The following KCNIP1 variants were observed in gnomAD, a reference collection of about 807,000 sequenced individuals.
The protein encoded by KCNIP1 is A-type potassium channel modulatory protein KCNIP1.
In KCNIP1, 18 loss-of-function variants were observed where a neutral mutation model predicts 33.0. That is an observed-to-expected ratio of 0.55 (90% CI 0.38 to 0.81). The LOEUF (loss-of-function observed/expected upper bound fraction) is 0.81. KCNIP1 is among the 30% of genes least tolerant of loss of function. The probability of loss-of-function intolerance (pLI) is 0.00; values close to 1 mark genes in which losing one functional copy is unlikely to be tolerated. For missense variants in KCNIP1, 238 were observed against 271.6 expected (o/e 0.88, Z 0.87); for synonymous variants, 93 against 98.3 (o/e 0.95, Z 0.32).
intron 1 of KCNIP1, among the ~76,000 whole-genome samples, chr5:170,495,792 C>T (rs545438534): frequency 2.3e-4 from 35 of 152,330 alleles, no homozygotes; most frequent in African/African-American, 7.0e-4. Context: ...GAAGGAGCCC[C>T]GGTTAATATC....
chr5:170,590,231 G>T (rs1758197284), intron 1 of KCNIP1, among the ~76,000 whole-genome samples: 3 of 152,098 alleles, frequency 2.0e-5, no homozygotes, highest in South Asian at 2.1e-4. Flanking sequence ...AGAGACAGGG[G>T]TCATTCCAGA....
chr5:170,614,571 AT>A (rs968232539), intron 1 of KCNIP1, among the ~76,000 whole-genome samples: 1 of 152,096 alleles, frequency 6.6e-6, no homozygotes, highest in African/African-American at 2.4e-5. Context: ...TAAAAAGGGG[AT>A]TTTTTCACAC....
At chr5:170,501,377 G>A (rs1462746297), upstream of KCNIP1, among the ~76,000 whole-genome samples, 1 of 152,160 alleles carries the variant, frequency 6.6e-6, no homozygotes, top group Non-Finnish European at 1.5e-5. Context: ...GGGTGGCTGA[G>A]CCACAAAGGG....
At chr5:170,355,633 A>G (rs1342029371) in intron 1 of KCNIP1, among the ~76,000 whole-genome samples, 1 of 152,198 alleles carries the variant, frequency 6.6e-6, no homozygotes, top group East Asian at 1.9e-4. Flanking sequence ...AAACAGTGAC[A>G]TCTAAGCTGA....
At chr5:170,554,214 C>T (rs867496931) in intron 1 of KCNIP1, among the ~76,000 whole-genome samples, 16 of 151,954 alleles carry the variant, frequency 1.1e-4, no homozygotes, top group Admixed American at 7.9e-4. Context: ...CCAGGGGGCA[C>T]TAGTTTGAGA....
intron 1 of KCNIP1, among the ~76,000 whole-genome samples, chr5:170,559,588 G>A (rs991755592): frequency 2.6e-5 from 4 of 152,066 alleles, no homozygotes; most frequent in South Asian, 2.1e-4. Flanking sequence ...TCCTTCATAC[G>A]TACCCCTCTT....
intron 1 of KCNIP1, among the ~76,000 whole-genome samples, chr5:170,572,918 A>G (rs1336516444): frequency 6.6e-5 from 10 of 152,238 alleles, no homozygotes; most frequent in African/African-American, 2.4e-4. Flanking sequence ...GGTGCCAGGA[A>G]CATTACCTAT....
chr5:170,728,098 T>A (rs1764069734), intron 5 of KCNIP1, among the ~76,000 whole-genome samples: 1 of 152,214 alleles, frequency 6.6e-6, no homozygotes, highest in South Asian at 2.1e-4. Flanking sequence ...TCACATTTGA[T>A]ATAATTTACC....
At position 170,367,342 on chromosome 5, in the gene KCNIP1, G is replaced by A. The variant is rs1406981853; in HGVS notation, c.88+13378G>A. On this transcript the variant is annotated intron_variant, in intron 1 of 7. Transcript: ENST00000377360. ...AAAAAAAGAAGAAAGAAGGAAAGAA[G>A]GAAAGAAAAAGAAAGAAAGAAAGAA... Among the ~76,000 whole-genome samples, 3 of 58,252 alleles carry A rather than the reference G, an allele frequency of 5.2e-5. No homozygotes were observed. The South Asian group carries it at 1.7e-3, about 33-fold the overall frequency. 38.2% of individuals were successfully genotyped at this position (58,252 alleles called of 152,430 possible).
At chr5:170,552,043 A>G (rs1485122360) in intron 1 of KCNIP1, among the ~76,000 whole-genome samples, 1 of 149,822 alleles carries the variant, frequency 6.7e-6, no homozygotes, top group Non-Finnish European at 1.5e-5. Context: ...GTGTGTGTTC[A>G]TGCCGATGTT....
chr5:170,573,034 T>C (rs1286180833), intron 1 of KCNIP1, among the ~76,000 whole-genome samples: 2 of 152,208 alleles, frequency 1.3e-5, no homozygotes, highest in Non-Finnish European at 2.9e-5. Flanking sequence ...CCAAGGCTGC[T>C]AAGCAGCAGA....
intron 1 of KCNIP1, among the ~76,000 whole-genome samples, chr5:170,441,255 G>GATCTGTCTA (rs1305796154): frequency 2.0e-5 from 3 of 152,220 alleles, no homozygotes; most frequent in African/African-American, 7.2e-5. Context: ...GTTACACACA[G>GATCTGTCTA]ATCTGTCTAA....
intron 1 of KCNIP1, among the ~76,000 whole-genome samples, chr5:170,492,115 G>T (rs1244003204): frequency 6.6e-6 from 1 of 152,142 alleles, no homozygotes. Flanking sequence ...CAGGTTAAAG[G>T]CCTCGTCCCA....
intron 1 of KCNIP1, chr5:170,376,604 G>A (rs908106260): frequency 6.6e-6 from 1 of 152,150 alleles, no homozygotes; most frequent in African/African-American, 2.4e-5. Context: ...ACTTATAAGT[G>A]AGAATATACA....
chr5:170,427,570 G>C (rs10071468), intron 1 of KCNIP1, among the ~76,000 whole-genome samples: 71,595 of 151,978 alleles, frequency 0.47, 16,968 homozygotes, highest in Middle Eastern at 0.54. Context: ...ATCCCCAGCT[G>C]AGAACCACTG....
At chr5:170,689,542 T>A (rs1762651549) in intron 1 of KCNIP1, among the ~76,000 whole-genome samples, 1 of 152,158 alleles carries the variant, frequency 6.6e-6, no homozygotes, top group Non-Finnish European at 1.5e-5. Flanking sequence ...CAGAAAGCTG[T>A]ACAACAGAAG....
chr5:170,463,030 C>T (rs960811570), intron 1 of KCNIP1, among the ~76,000 whole-genome samples: 25 of 151,900 alleles, frequency 1.6e-4, no homozygotes, highest in East Asian at 5.8e-4. Context: ...ATATACTGCT[C>T]GGGTGATGGG....
At chr5:170,620,737 C>T (rs1759569384) in intron 1 of KCNIP1, among the ~76,000 whole-genome samples, 2 of 152,194 alleles carry the variant, frequency 1.3e-5, no homozygotes, top group African/African-American at 4.8e-5. Flanking sequence ...CTCCTAAACT[C>T]ACCCCCAAAT....
At chr5:170,357,189 A>C (rs1279738908) in intron 1 of KCNIP1, among the ~76,000 whole-genome samples, 2 of 151,916 alleles carry the variant, frequency 1.3e-5, no homozygotes, top group Non-Finnish European at 2.9e-5. Context: ...TGGTTTCTAG[A>C]CTGAGACATC....
Sources: gnomAD v4.1 joint callset for allele counts (sites outside exome capture counted in the v4.1 genomes callset) on GRCh38, gnomAD v4.1.1 for gene constraint, MANE v1.5 for transcripts, NCBI Gene and HGNC (gene_info 2026-07-23, HGNC 2026-07-21) for gene names.